Variants in MGAT4A observed in about 807,000 individuals in gnomAD.
MGAT4A encodes the protein alpha-1,3-mannosyl-glycoprotein 4-beta-N-acetylglucosaminyltransferase A.
A neutral mutation model predicts 74.1 loss-of-function variants in MGAT4A; 33 were observed. That is an observed-to-expected ratio of 0.45 (90% CI 0.34 to 0.60). The LOEUF (loss-of-function observed/expected upper bound fraction) is 0.60. Ranked by LOEUF, MGAT4A falls within the 20% of genes least tolerant of loss-of-function variation. MGAT4A has a pLI of 0.02. For synonymous variants in MGAT4A, 198 were observed against 210.4 expected, an observed-to-expected ratio of 0.94 and a Z score of 0.51; for missense variants, 479 against 628.3, an observed-to-expected ratio of 0.76 and a Z score of 2.54.
intron 2 of MGAT4A, among the ~76,000 whole-genome samples, chr2:98,681,151 T>C (rs1702054074): frequency 6.6e-6 from 1 of 152,082 alleles, no homozygotes; most frequent in South Asian, 2.1e-4. Context: ...CCCGGCTAAT[T>C]TTTCTATTTT....
intron 2 of MGAT4A, 24 bp downstream of exon 2, chr2:98,726,215 C>A: frequency 6.3e-7 from 1 of 1,598,208 alleles, no homozygotes; most frequent in Non-Finnish European, 8.6e-7. Flanking sequence ...ATTTCATGCA[C>A]ATTTTCCGAG....
intron 7 of MGAT4A, 108 bp from the exon 8 acceptor site, chr2:98,655,628 A>ATGTGTGTG: frequency 2.9e-6 from 2 of 690,720 alleles, no homozygotes; most frequent in Non-Finnish European, 5.0e-6. Flanking sequence ...ATCTATGTAT[A>ATGTGTGTG]TGTGTACACA....
rs1701100867 is a variant in MGAT4A, at chr2:98,623,937, T to TCTGCAACCAAC, written c.*1618_*1628dup. On this transcript the variant is annotated 3_prime_UTR_variant, in exon 16 of 16. Transcript: ENST00000393487. ...GCTCAGCAGAATCCATCTCTGCCCG[T>TCTGCAACCAAC]CTGCAACCAACCTGCAACCCACTTG... 1.0e-6 allele frequency: 1 copy of TCTGCAACCAAC among 985,224 alleles called. No individual in the cohort carries two copies. Among genetic ancestry groups the TCTGCAACCAAC allele is most frequent in the Non-Finnish European group, 1.2e-6 (1 of 829,974 alleles). 61.0% of individuals were successfully genotyped at this position (985,224 alleles called of 1,614,324 possible). A position where few individuals can be genotyped will look rare whatever the true frequency, so the allele number is the denominator to read the frequency against.
At chr2:98,726,187 A>G in intron 2 of MGAT4A, 52 bp downstream of exon 2, 1 of 1,478,852 alleles carries the variant, frequency 6.8e-7, no homozygotes. Flanking sequence ...CACCTTAACC[A>G]AGCAAAAACC....
Position 98,624,150 on chromosome 2 carries a change from T to C in MGAT4A, c.*1416A>G, listed in dbSNP as rs991447440. The C allele has an allele frequency of 3.5e-6, 2 of 579,174 alleles. No individual in the cohort carries two copies. Among genetic ancestry groups the C allele is most frequent in the Non-Finnish European group, 4.4e-6 (2 of 458,824 alleles). The allele number at this position is 579,174 out of a possible 1,614,324, so 35.9% of individuals were successfully genotyped here. On this transcript the variant is annotated 3_prime_UTR_variant, in exon 16 of 16. Transcript: ENST00000393487. ...GCCTCAGCCTCCCAAGTAGCTGGGATTACAGGCACCTGCCACCACGCCTGG... is the reference window on the plus strand; with the variant it reads ...GCCTCAGCCTCCCAAGTAGCTGGGACTACAGGCACCTGCCACCACGCCTGG...
intron 4 of MGAT4A, 99 bp downstream of exon 4, chr2:98,674,936 T>G: frequency 1.6e-6 from 2 of 1,259,462 alleles, no homozygotes; most frequent in Non-Finnish European, 2.2e-6. Flanking sequence ...GAAAGAACTT[T>G]CATTTTTTGA....
At chr2:98,701,297 G>A (rs954389146) in intron 2 of MGAT4A, among the ~76,000 whole-genome samples, 11 of 152,048 alleles carry the variant, frequency 7.2e-5, no homozygotes, top group Non-Finnish European at 1.5e-5. Flanking sequence ...TGCTATTCTT[G>A]TCCACTACTG....
intron 2 of MGAT4A, among the ~76,000 whole-genome samples, chr2:98,713,627 TAAATCAGA>T (rs964798971): frequency 6.6e-6 from 1 of 151,972 alleles, no homozygotes; most frequent in African/African-American, 2.4e-5. Flanking sequence ...CCAGGAAGCA[TAAATCAGA>T]AAATAGTGAG....
Position 98,625,770 on chromosome 2 carries a change from G to A in MGAT4A, c.1534C>T (p.Arg512Ter), listed in dbSNP as rs1468578249. 4 of 1,611,868 alleles carry A rather than the reference G, an allele frequency of 2.5e-6. No individual in the cohort carries two copies. The highest frequency in any genetic ancestry group is 3.4e-6 in the Non-Finnish European group (4 of 1,178,542). ...DPSLNPISAF[R>*]LSVIQNSAVW... ...GCAGAATTCTGAATAACTGAAAGTC[G>A]AAAGGCTGAAATGGGATTGAGACTT... Residue 512 changes from arginine to a stop codon, truncating the protein, a stop_gained, in exon 15 of 16, where the codon CGA (arginine) becomes TGA (stop). Transcript: ENST00000393487. LOFTEE classifies it high-confidence loss of function.
chr2:98,675,423 T>C (rs532682410), intron 3 of MGAT4A, among the ~76,000 whole-genome samples: 14 of 152,212 alleles, frequency 9.2e-5, no homozygotes, highest in African/African-American at 3.1e-4. Context: ...CGTAAGAAGG[T>C]GGGATGCTAA....
intron 8 of MGAT4A, among the ~76,000 whole-genome samples, chr2:98,654,882 C>T (rs1701636253): frequency 6.6e-6 from 1 of 152,154 alleles, no homozygotes; most frequent in South Asian, 2.1e-4. Flanking sequence ...AGGCCTCATA[C>T]TTCCTAATTT....
rs549837063 is a variant in MGAT4A, at chr2:98,729,880, C to T, written c.-236+1168G>A. 1.2e-3 allele frequency among the ~76,000 whole-genome samples: 182 copies of T among 152,312 alleles called. 1 individual carries two copies. Among genetic ancestry groups the T allele is most frequent in the Middle Eastern group, 3.4e-3 (1 of 294 alleles). ...TAAGCCTATATAACTTTACACACCACAATTGTGGCAAAATTCATTTATTTG... is the reference window on the plus strand; with the variant it reads ...TAAGCCTATATAACTTTACACACCATAATTGTGGCAAAATTCATTTATTTG... On this transcript the variant is annotated intron_variant, in intron 1 of 15. Coordinates refer to ENST00000393487, the MANE Select transcript of MGAT4A (RefSeq NM_012214.3).
chr2:98,683,626 C>T (rs936398902), intron 2 of MGAT4A, among the ~76,000 whole-genome samples: 2 of 151,882 alleles, frequency 1.3e-5, no homozygotes, highest in Non-Finnish European at 2.9e-5. Flanking sequence ...TTCATCAGCT[C>T]CTGAGTGGTA....
chr2:98,698,369 A>G (rs1235597330), intron 2 of MGAT4A, among the ~76,000 whole-genome samples: 1 of 152,212 alleles, frequency 6.6e-6, no homozygotes, highest in African/African-American at 2.4e-5. Context: ...GTGAGCTGAG[A>G]TTGCATCACT....
chr2:98,659,464 C>G (rs1701711880), intron 5 of MGAT4A, among the ~76,000 whole-genome samples: 1 of 152,148 alleles, frequency 6.6e-6, no homozygotes, highest in African/African-American at 2.4e-5. Context: ...GCCATAGCCA[C>G]ATTTTTGAGC....
intron 8 of MGAT4A, among the ~76,000 whole-genome samples, chr2:98,645,860 G>T (rs968102287): frequency 6.6e-6 from 1 of 152,058 alleles, no homozygotes; most frequent in Admixed American, 6.6e-5. Context: ...CAAGATAAAG[G>T]TCTTATCACA....
At chr2:98,696,841 C>T (rs1702281394) in intron 2 of MGAT4A, among the ~76,000 whole-genome samples, 1 of 152,170 alleles carries the variant, frequency 6.6e-6, no homozygotes, top group Non-Finnish European at 1.5e-5. Flanking sequence ...CAACTGCATA[C>T]CCATACATTA....
In MGAT4A at chr2:98,643,971, G is replaced by A. The variant is rs1251901056; in HGVS notation, c.972C>T (p.Leu324=). 2.5e-6 allele frequency: 4 copies of A among 1,599,838 alleles called. No individual in the cohort carries two copies. Among genetic ancestry groups the A allele is most frequent in the African/African-American group, 1.3e-5 (1 of 74,524 alleles). The change falls in exon 10 of 16, where the codon CTC becomes CTT. Residue 324 remains leucine (L), a synonymous_variant. Coordinates refer to ENST00000393487, the MANE Select transcript of MGAT4A (RefSeq NM_012214.3). The stretch of plus-strand genomic sequence containing the variant: ...CTTTCACCCAGAGAATATGGTCCAG[G>A]AGCCAATCAATGGGTTTCTCCTTGT... ...MFYKEKPIDW[L]LDHILWVKVC... is the part of the protein sequence containing the mutation.
intron 2 of MGAT4A, among the ~76,000 whole-genome samples, chr2:98,713,085 C>G (rs1702540271): frequency 6.7e-6 from 1 of 149,328 alleles, no homozygotes; most frequent in African/African-American, 2.5e-5. Flanking sequence ...GGGAGGATTG[C>G]TTGAGCCCAG....
Sources: gnomAD v4.1 joint callset for allele counts (sites outside exome capture counted in the v4.1 genomes callset) on GRCh38, gnomAD v4.1.1 for gene constraint, MANE v1.5 for transcripts, NCBI Gene and HGNC (gene_info 2026-07-23, HGNC 2026-07-21) for gene names.